Variants in GRIK5 observed in about 807,000 individuals in gnomAD.
GRIK5 encodes glutamate ionotropic receptor kainate type subunit 5, also known as glutamate receptor ionotropic, kainate 5.
A neutral mutation model predicts 97.4 loss-of-function variants in GRIK5; 43 were observed. The ratio of observed to expected loss-of-function variants is 0.44; its 90% CI spans 0.35 to 0.57. The LOEUF (loss-of-function observed/expected upper bound fraction) is 0.57. Ranked by LOEUF, GRIK5 falls within the 20% of genes least tolerant of loss-of-function variation. The pLI is 0.01. For synonymous variants in GRIK5, 580 were observed against 583.5 expected, an observed-to-expected ratio of 0.99 and a Z score of 0.09; for missense variants, 1,015 against 1,382.0, an observed-to-expected ratio of 0.73 and a Z score of 4.21.
rs2075711683 is a variant in GRIK5, at chr19:42,022,438, T to G, written c.1474-84A>C. 27 of 1,464,624 alleles carry G rather than the reference T, an allele frequency of 1.8e-5. No individual in the cohort carries two copies. The highest frequency in any genetic ancestry group is 9.8e-5 in the East Asian group (4 of 40,884). The allele number at this position is 1,464,624 out of a possible 1,614,324, so 90.7% of individuals were successfully genotyped here. On this transcript the variant is annotated intron_variant, in intron 12 of 19. Transcript: ENST00000593562. This position sits in a 1 kb window ranked among gnomAD's most constrained non-coding sequence, Gnocchi z 4.2. The stretch of plus-strand genomic sequence containing the variant: ...CAGTTAGAGAGAAATGCACGGAGAG[T>G]GAGCAACTGAGGGAGGCGAGAGAGA...
chr19:42,039,573 T>G (rs2075953054), intron 12 of GRIK5, among the ~76,000 whole-genome samples: 1 of 152,246 alleles, frequency 6.6e-6, no homozygotes. Context: ...ACATCGGGCT[T>G]GTTCACCATG....
chr19:42,007,673 T>A (rs1555873026), intron 15 of GRIK5, among the ~76,000 whole-genome samples: 1 of 152,096 alleles, frequency 6.6e-6, no homozygotes, highest in East Asian at 1.9e-4. Context: ...TTTGGCTGAA[T>A]ATCAATCTGT....
intron 17 of GRIK5, among the ~76,000 whole-genome samples, chr19:42,004,258 G>A (rs2075459875): frequency 6.6e-6 from 1 of 152,162 alleles, no homozygotes; most frequent in East Asian, 1.9e-4. Flanking sequence ...TGCATCCAGT[G>A]CGGGACTTGG....
Position 42,003,255 on chromosome 19 carries a change from C to G in GRIK5, c.2514+77G>C. The G allele has an allele frequency of 7.2e-7, 1 of 1,383,848 alleles. No homozygotes were observed. Among genetic ancestry groups the G allele is most frequent in the Non-Finnish European group, 1.0e-6 (1 of 991,356 alleles). 85.7% of individuals were successfully genotyped at this position (1,383,848 alleles called of 1,614,324 possible). ...TCCCCACCACCCTCCAGGTATGGCTCCCAATGCCACAATCTTCACGCACCT... is the reference window on the plus strand; with the variant it reads ...TCCCCACCACCCTCCAGGTATGGCTGCCAATGCCACAATCTTCACGCACCT... On this transcript the variant is annotated intron_variant, in intron 19 of 19. Transcript: ENST00000593562. The surrounding 1 kb of genome is among the most constrained non-coding windows in gnomAD (Gnocchi z 4.2).
At chr19:42,053,993 C>A in intron 9 of GRIK5, 64 bp from the exon 10 acceptor site, 3 of 1,107,098 alleles carry the variant, frequency 2.7e-6, no homozygotes, top group African/African-American at 1.5e-5. Flanking sequence ...CAGGGAAGGC[C>A]CAACGTGGTG....
intron 12 of GRIK5, among the ~76,000 whole-genome samples, chr19:42,026,785 C>T (rs1056555686): frequency 2.6e-5 from 4 of 151,756 alleles, no homozygotes; most frequent in African/African-American, 9.7e-5. Context: ...CCAGGCTGGT[C>T]TTGAACTCCT....
chr19:42,036,810 C>G (rs1417050520), intron 12 of GRIK5, among the ~76,000 whole-genome samples: 1 of 152,194 alleles, frequency 6.6e-6, no homozygotes, highest in Non-Finnish European at 1.5e-5. Flanking sequence ...AGACAAGGCT[C>G]CCATCCCCAG....
At chr19:42,005,682 G>T in intron 17 of GRIK5, 41 bp downstream of exon 17, 1 of 1,443,320 alleles carries the variant, frequency 6.9e-7, no homozygotes. Context: ...GGTTTTGGAT[G>T]CCCACGGCCC....
chr19:42,010,202 T>C (rs1314970930), intron 15 of GRIK5, among the ~76,000 whole-genome samples: 8 of 151,980 alleles, frequency 5.3e-5, no homozygotes, highest in African/African-American at 1.9e-4. Flanking sequence ...TTTACCTATG[T>C]GACTGGAGTT....
chr19:42,025,174 A>G (rs2075754539), intron 12 of GRIK5, among the ~76,000 whole-genome samples: 1 of 152,114 alleles, frequency 6.6e-6, no homozygotes, highest in African/African-American at 2.4e-5. Context: ...TGCACACAGC[A>G]CTTACCCCAT....
chr19:41,999,374 C>T lies in GRIK5; in HGVS notation c.2515-75G>A. The T allele has an allele frequency of 9.6e-7, 1 of 1,038,478 alleles. No individual in the cohort carries two copies. Among genetic ancestry groups the T allele is most frequent in the Non-Finnish European group, 1.3e-6 (1 of 744,422 alleles). The allele number at this position is 1,038,478 out of a possible 1,614,324, so 64.3% of individuals were successfully genotyped here. ...TCCCCCAGCCCCTCTCCACATCCCA[C>T]TCCTCCTCCTCCTTTCCTCGCCCGG... is the stretch of plus-strand genomic sequence containing the variant. On this transcript the variant is annotated intron_variant, in intron 19 of 19. Transcript: ENST00000593562. This position sits in a 1 kb window ranked among gnomAD's most constrained non-coding sequence, Gnocchi z 5.0.
chr19:42,016,336 G>A (rs1311384226), intron 15 of GRIK5, among the ~76,000 whole-genome samples: 2 of 152,290 alleles, frequency 1.3e-5, no homozygotes, highest in African/African-American at 4.8e-5. Flanking sequence ...CAGGAGAATC[G>A]CTTGAACCCG....
intron 11 of GRIK5, among the ~76,000 whole-genome samples, chr19:42,046,373 C>A (rs1189385244): frequency 2.0e-5 from 3 of 152,164 alleles, no homozygotes; most frequent in Non-Finnish European, 4.4e-5. Context: ...ACAGAAGGGT[C>A]CTCAAGGAGC....
chr19:42,057,569 G>A (rs778407259), intron 6 of GRIK5, among the ~76,000 whole-genome samples: 1 of 151,850 alleles, frequency 6.6e-6, no homozygotes, highest in Non-Finnish European at 1.5e-5. Flanking sequence ...GTAGAGATGG[G>A]GTCTTGCTAT....
At chr19:42,007,552 G>A (rs781930656) in intron 15 of GRIK5, among the ~76,000 whole-genome samples, 12 of 152,194 alleles carry the variant, frequency 7.9e-5, no homozygotes, top group Non-Finnish European at 1.5e-4. Flanking sequence ...TGCAGAGACG[G>A]AGACTGGTGA....
At chr19:42,005,046 G>C (rs1237560046) in intron 17 of GRIK5, among the ~76,000 whole-genome samples, 1 of 152,042 alleles carries the variant, frequency 6.6e-6, no homozygotes, top group Non-Finnish European at 1.5e-5. Context: ...TGCAGTAATA[G>C]ATAACTAATA....
chr19:42,042,492 T>C lies in GRIK5; in HGVS notation c.1473+60A>G. ...TCTGAGGTTCGACTGGCTGCCCAGC[T>C]GCCCGCCCTCCCTCACTCGCCGGGT... is the stretch of plus-strand genomic sequence containing the variant. On this transcript the variant is annotated intron_variant, in intron 12 of 19. Coordinates refer to ENST00000593562, the MANE Select transcript of GRIK5 (RefSeq NM_002088.5). The surrounding 1 kb of genome is among the most constrained non-coding windows in gnomAD (Gnocchi z 6.9). 6.8e-7 allele frequency: 1 copy of C among 1,466,436 alleles called. No individual in the cohort carries two copies. Among genetic ancestry groups the C allele is most frequent in the Non-Finnish European group, 9.3e-7 (1 of 1,072,244 alleles). The allele number at this position is 1,466,436 out of a possible 1,614,324, so 90.8% of individuals were successfully genotyped here. A position where few individuals can be genotyped will look rare whatever the true frequency, so the allele number is the denominator to read the frequency against.
chr19:42,057,161 G>A (rs2076197448), intron 6 of GRIK5, among the ~76,000 whole-genome samples, 183 bp from the exon 7 acceptor site: 1 of 152,132 alleles, frequency 6.6e-6, no homozygotes, highest in African/African-American at 2.4e-5. Context: ...ACAAGTGGGG[G>A]CATAGGGAGG....
Position 41,999,727 on chromosome 19 carries a change from GAAAC to G in GRIK5, c.2515-432_2515-429del, listed in dbSNP as rs1555870524. ...GAGCACTGGGGATATGGCAGAGAAGGAAACAGACAGAAGTCCCAGCCCTCGTGGA... is the reference window on the plus strand; with the variant it reads ...GAGCACTGGGGATATGGCAGAGAAGGAGACAGAAGTCCCAGCCCTCGTGGA... On this transcript the variant is annotated intron_variant, in intron 19 of 19. Coordinates refer to ENST00000593562, the MANE Select transcript of GRIK5 (RefSeq NM_002088.5). The surrounding 1 kb of genome is among the most constrained non-coding windows in gnomAD (Gnocchi z 5.0). 6.6e-6 allele frequency among the ~76,000 whole-genome samples: 1 copy of G among 152,210 alleles called. No individual in the cohort carries two copies. Among genetic ancestry groups the G allele is most frequent in the African/African-American group, 2.4e-5 (1 of 41,454 alleles).
Sources: gnomAD v4.1 joint callset for allele counts (sites outside exome capture counted in the v4.1 genomes callset) on GRCh38, gnomAD v4.1.1 for gene constraint, Gnocchi (gnomAD v3.1) non-coding constraint, MANE v1.5 for transcripts, NCBI Gene and HGNC (gene_info 2026-07-23, HGNC 2026-07-21) for gene names.